CCDC170: variants seen among roughly 807,000 people sequenced by gnomAD.
CCDC170 encodes the protein coiled-coil domain containing 170.
CCDC170 carries 69 observed loss-of-function variants against 72.6 expected under a neutral mutation model. That is an observed-to-expected ratio of 0.95 (90% confidence interval 0.78 to 1.16). The LOEUF (loss-of-function observed/expected upper bound fraction) is 1.16. Ranked by LOEUF, CCDC170 falls within the 50% of genes most tolerant of loss-of-function variation. CCDC170 has a pLI of 0.00. For synonymous variants in CCDC170, 300 were observed against 303.9 expected, an observed-to-expected ratio of 0.99 and a Z score of 0.13; for missense variants, 852 against 832.5, an observed-to-expected ratio of 1.02 and a Z score of -0.29.
intron 5 of CCDC170, among the ~76,000 whole-genome samples, chr6:151,565,116 C>A (rs1249415532): frequency 6.6e-6 from 1 of 152,096 alleles, no homozygotes; most frequent in Non-Finnish European, 1.5e-5. Context: ...AGTGGCTTGG[C>A]TTTGGCCCTG....
chr6:151,614,585 G>A (rs1389742704), intron 9 of CCDC170, among the ~76,000 whole-genome samples: 1 of 151,596 alleles, frequency 6.6e-6, no homozygotes, highest in Non-Finnish European at 1.5e-5. Flanking sequence ...CTCCCGAGTA[G>A]CTGGGATTAC....
intron 6 of CCDC170, among the ~76,000 whole-genome samples, chr6:151,578,387 T>C (rs113971645): frequency 3.9e-5 from 6 of 152,220 alleles, no homozygotes; most frequent in African/African-American, 1.4e-4. Context: ...TCCTAGCTTC[T>C]GCTGGCCTCA....
chr6:151,606,121 C>T (rs562391895), intron 9 of CCDC170, among the ~76,000 whole-genome samples: 5 of 152,222 alleles, frequency 3.3e-5, no homozygotes, highest in East Asian at 3.9e-4. Context: ...AGCATGGTCT[C>T]GAACTCCTGA....
At chr6:151,579,761 G>A (rs1465774886) in intron 6 of CCDC170, among the ~76,000 whole-genome samples, 3 of 152,190 alleles carry the variant, frequency 2.0e-5, no homozygotes, top group South Asian at 2.1e-4. Flanking sequence ...TCCTCATGGC[G>A]ACAGCATAGG....
At position 151,567,460 on chromosome 6, in the gene CCDC170, G is replaced by A. The variant is rs1046889664; in HGVS notation, c.775-5714G>A. Among the ~76,000 whole-genome samples, 10 of 151,944 alleles carry A rather than the reference G, an allele frequency of 6.6e-5. No homozygotes were observed. In the East Asian group the frequency reaches 1.2e-3, roughly 18 times the overall value. Reference sequence around the variant, plus strand: ...TTGCCCAGGTTGGTCTCAAACTCCTGAGCTCAAGTAATCCACCTGCCTTGG... The same window carrying A: ...TTGCCCAGGTTGGTCTCAAACTCCTAAGCTCAAGTAATCCACCTGCCTTGG... On this transcript the variant is annotated intron_variant, in intron 5 of 10. Coordinates refer to ENST00000239374, the MANE Select transcript of CCDC170 (RefSeq NM_025059.4).
chr6:151,508,547 CA>C (rs1165291065), intron 1 of CCDC170, among the ~76,000 whole-genome samples: 1 of 149,356 alleles, frequency 6.7e-6, no homozygotes, highest in Non-Finnish European at 1.5e-5. Flanking sequence ...TGAAAAAAAC[CA>C]AAAAAACCCC....
At chr6:151,520,980 C>G (rs558047188) in intron 1 of CCDC170, among the ~76,000 whole-genome samples, 1 of 152,274 alleles carries the variant, frequency 6.6e-6, no homozygotes, top group African/African-American at 2.4e-5. Context: ...TGCAATTCCC[C>G]TGTCTTGATA....
intron 7 of CCDC170, among the ~76,000 whole-genome samples, chr6:151,592,350 A>G (rs60887245): frequency 0.067 from 10,226 of 152,016 alleles, 1,106 homozygotes; most frequent in African/African-American, 0.22. Flanking sequence ...ACAGAGGAAG[A>G]CTCTGTCTCA....
chr6:151,536,773 C>CAAAAAAAAAAAA lies in CCDC170; in HGVS notation c.186+341_186+352dup, dbSNP rs55663799. Among the ~76,000 whole-genome samples, 44 of 79,240 alleles carry CAAAAAAAAAAAA rather than the reference C, an allele frequency of 5.6e-4. 1 individual carries two copies. The highest frequency in any genetic ancestry group is 6.4e-4 in the Non-Finnish European group (29 of 45,136). The allele number at this position is 79,240 out of a possible 152,430, so 52.0% of individuals were successfully genotyped here. ...CTGGTGACAGAGTGAGACTCCATCT[C>CAAAAAAAAAAAA]AAAAAAAAAAAAAAAAAAAAAAAAA... On this transcript the variant is annotated intron_variant, in intron 2 of 10. Coordinates refer to ENST00000239374, the MANE Select transcript of CCDC170 (RefSeq NM_025059.4).
At chr6:151,572,649 G>GGTTTTT (rs1776234680) in intron 5 of CCDC170, among the ~76,000 whole-genome samples, 2 of 37,988 alleles carry the variant, frequency 5.3e-5, no homozygotes, top group African/African-American at 2.5e-4. Flanking sequence ...CCTTCTCTGT[G>GGTTTTT]TTTTTTTTTT....
intron 1 of CCDC170, among the ~76,000 whole-genome samples, chr6:151,505,350 A>G (rs1782051020): frequency 6.6e-6 from 1 of 152,038 alleles, no homozygotes; most frequent in East Asian, 1.9e-4. Flanking sequence ...CAGGTGGGAA[A>G]ATGGGTCCCA....
chr6:151,528,707 G>A (rs4870030), intron 1 of CCDC170, among the ~76,000 whole-genome samples: 99,985 of 151,506 alleles, frequency 0.66, 33,792 homozygotes, highest in Admixed American at 0.75. Context: ...ATGTGGTGGC[G>A]CATGCCTGTA....
At chr6:151,563,518 T>C (rs1055029641) in intron 5 of CCDC170, among the ~76,000 whole-genome samples, 3 of 152,088 alleles carry the variant, frequency 2.0e-5, no homozygotes, top group African/African-American at 7.2e-5. Flanking sequence ...AAAGTCAGAA[T>C]GGGTTGTGGG....
rs1039888776 is a variant in CCDC170 at position 151,619,068 on chromosome 6, A to C, written c.*921A>C. 2 of 151,488 alleles carry C rather than the reference A, an allele frequency of 1.3e-5. No homozygotes were observed. Among genetic ancestry groups the C allele is most frequent in the African/African-American group, 2.4e-5 (1 of 41,264 alleles). The allele number at this position is 151,488 out of a possible 1,614,324, so 9.4% of individuals were successfully genotyped here. A position where few individuals can be genotyped will look rare whatever the true frequency, so the allele number is the denominator to read the frequency against. On this transcript the variant is annotated 3_prime_UTR_variant, in exon 11 of 11. Coordinates refer to ENST00000239374, the MANE Select transcript of CCDC170 (RefSeq NM_025059.4). ...AATGACAGATTTACAAGTGTAAGCTATATGATTTCTTCAAAAAGCAAAAGC... is the reference window on the plus strand; with the variant it reads ...AATGACAGATTTACAAGTGTAAGCTCTATGATTTCTTCAAAAAGCAAAAGC...
intron 9 of CCDC170, among the ~76,000 whole-genome samples, chr6:151,603,053 G>A (rs1419500284): frequency 1.3e-5 from 2 of 151,846 alleles, no homozygotes; most frequent in Non-Finnish European, 2.9e-5. Flanking sequence ...CACCCTCCTC[G>A]GCCTCCTAAA....
chr6:151,591,773 G>A (rs1207115933), intron 7 of CCDC170, among the ~76,000 whole-genome samples: 1 of 152,010 alleles, frequency 6.6e-6, no homozygotes, highest in Non-Finnish European at 1.5e-5. Context: ...GGGATTACAG[G>A]CATGAGCCAC....
chr6:151,577,474 C>T (rs560616921), intron 6 of CCDC170, among the ~76,000 whole-genome samples: 18 of 152,306 alleles, frequency 1.2e-4, no homozygotes, highest in East Asian at 3.9e-4. Flanking sequence ...CAGAAAGTTA[C>T]GACATTTTCA....
intron 6 of CCDC170, among the ~76,000 whole-genome samples, chr6:151,574,815 T>C (rs1776277922): frequency 6.6e-6 from 1 of 152,164 alleles, no homozygotes; most frequent in African/African-American, 2.4e-5. Flanking sequence ...ATGTATGTAT[T>C]GAATGAAAAA....
At chr6:151,565,255 G>A (rs1286864034) in intron 5 of CCDC170, among the ~76,000 whole-genome samples, 4 of 152,170 alleles carry the variant, frequency 2.6e-5, no homozygotes, top group African/African-American at 9.7e-5. Context: ...TCTCAAAATG[G>A]CATCTTGCTG....
Sources: gnomAD v4.1 joint callset for allele counts (sites outside exome capture counted in the v4.1 genomes callset) on GRCh38, gnomAD v4.1.1 for gene constraint, MANE v1.5 for transcripts, NCBI Gene and HGNC (gene_info 2026-07-23, HGNC 2026-07-21) for gene names.